FAM168A: variants seen among roughly 807,000 people sequenced by gnomAD.
FAM168A encodes the protein protein FAM168A.
In FAM168A, 3 loss-of-function variants were observed where a neutral mutation model predicts 28.5. That is an observed-to-expected ratio of 0.11 (90% CI 0.05 to 0.27). The LOEUF is 0.27. Ranked by LOEUF, FAM168A falls within the 10% of genes least tolerant of loss-of-function variation. The pLI, the probability that FAM168A is intolerant of heterozygous loss-of-function variation, is 1.00. For synonymous variants in FAM168A, 122 were observed against 124.2 expected (o/e 0.98, Z 0.12); for missense variants, 222 against 311.5 (o/e 0.71, Z 2.16).
rs1866445789 is a variant in FAM168A, at chr11:73,403,274, T to G, written c.*3489A>C. 1 of 152,192 alleles carries G rather than the reference T, an allele frequency of 6.6e-6. No homozygotes were observed. Among genetic ancestry groups the G allele is most frequent in the African/African-American group, 2.4e-5 (1 of 41,450 alleles). 9.4% of individuals were successfully genotyped at this position (152,192 alleles called of 1,614,324 possible). A position where few individuals can be genotyped will look rare whatever the true frequency, so the allele number is the denominator to read the frequency against. ...TTCAAAACATGGCAAACCATTATGT[T>G]TCAGGCTTTCACTATTTGCAGGCAA... On this transcript the variant is annotated 3_prime_UTR_variant, in exon 8 of 8. Coordinates refer to ENST00000356467, the MANE Select transcript of FAM168A (RefSeq NM_015159.3).
rs995609631 is a variant in FAM168A, at chr11:73,585,883, A to C, written c.-19+12040T>G. ...ACTCCATCTCAAACAAAAAAAAAAAAAAAAAAAAAAGAGATTGACCCTTTC... is the reference window on the plus strand; with the variant it reads ...ACTCCATCTCAAACAAAAAAAAAAACAAAAAAAAAAGAGATTGACCCTTTC... On this transcript the variant is annotated intron_variant, in intron 1 of 7. Coordinates refer to ENST00000356467, the MANE Select transcript of FAM168A (RefSeq NM_015159.3). Among the ~76,000 whole-genome samples the C allele has an allele frequency of 1.2e-3, 179 of 151,916 alleles. 1 individual carries two copies. The highest frequency in any genetic ancestry group is 4.1e-3 in the African/African-American group (171 of 41,454).
At chr11:73,439,879 CTTTTT>C (rs761818483) in intron 2 of FAM168A, among the ~76,000 whole-genome samples, 3 of 97,038 alleles carry the variant, frequency 3.1e-5, no homozygotes, top group African/African-American at 4.5e-5. Flanking sequence ...TCTCAGGTCA[CTTTTT>C]TTTTTTTTTT....
chr11:73,419,697 T>G (rs1017334097), intron 4 of FAM168A, among the ~76,000 whole-genome samples, 177 bp downstream of exon 4: 1 of 152,198 alleles, frequency 6.6e-6, no homozygotes, highest in Middle Eastern at 3.2e-3. Context: ...GAGTGCATGA[T>G]CAAAGAGAAT....
intron 3 of FAM168A, chr11:73,430,330 G>A: frequency 3.3e-6 from 1 of 303,358 alleles, no homozygotes; most frequent in East Asian, 1.0e-4. Context: ...GTGTGTGTGT[G>A]TCCCAAGGTG....
intron 1 of FAM168A, among the ~76,000 whole-genome samples, chr11:73,561,470 T>C (rs1427628397): frequency 1.3e-5 from 2 of 152,080 alleles, no homozygotes; most frequent in Non-Finnish European, 2.9e-5. Flanking sequence ...GACATATATA[T>C]ATATATATTA....
At chr11:73,555,399 G>C (rs934014326) in intron 1 of FAM168A, among the ~76,000 whole-genome samples, 1 of 151,686 alleles carries the variant, frequency 6.6e-6, no homozygotes, top group South Asian at 2.1e-4. Flanking sequence ...CTCATGAAAG[G>C]CCTCTAAGAG....
chr11:73,470,005 G>C (rs985208112), intron 1 of FAM168A, among the ~76,000 whole-genome samples: 17 of 152,080 alleles, frequency 1.1e-4, no homozygotes, highest in African/African-American at 3.6e-4. Context: ...TCTGCCTCCT[G>C]GGTTCAAGCG....
At chr11:73,535,727 T>C (rs1175563731) in intron 1 of FAM168A, among the ~76,000 whole-genome samples, 3 of 149,238 alleles carry the variant, frequency 2.0e-5, no homozygotes, top group Non-Finnish European at 4.5e-5. Flanking sequence ...CCCTTCTTTT[T>C]TTTTTTTTTT....
At chr11:73,515,508 C>CAA (rs61655633) in intron 1 of FAM168A, among the ~76,000 whole-genome samples, 3,301 of 66,396 alleles carry the variant, frequency 0.05, 138 homozygotes, top group African/African-American at 0.12. Flanking sequence ...AACTCTGTCT[C>CAA]AAAAAAAAAA....
chr11:73,548,463 A>G (rs907335732), intron 1 of FAM168A, among the ~76,000 whole-genome samples: 18 of 152,182 alleles, frequency 1.2e-4, no homozygotes, highest in Non-Finnish European at 2.2e-4. Context: ...GCTCAAGATC[A>G]AACAGCCAGG....
chr11:73,496,188 C>T (rs1305850277), intron 1 of FAM168A, among the ~76,000 whole-genome samples: 5 of 152,144 alleles, frequency 3.3e-5, no homozygotes, highest in Non-Finnish European at 5.9e-5. Flanking sequence ...ATCTTGAGGA[C>T]GTTATGCTAA....
intron 1 of FAM168A, among the ~76,000 whole-genome samples, chr11:73,583,914 CACTA>C (rs1207848188): frequency 6.6e-6 from 1 of 152,164 alleles, no homozygotes; most frequent in East Asian, 1.9e-4. Context: ...AAGAGTTTAA[CACTA>C]ACTCCTATCT....
intron 1 of FAM168A, among the ~76,000 whole-genome samples, chr11:73,535,722 C>CTT (rs59312114): frequency 0.011 from 1,320 of 116,940 alleles, 30 homozygotes; most frequent in African/African-American, 0.028. Flanking sequence ...CCTCACCCTT[C>CTT]TTTTTTTTTT....
At chr11:73,478,620 A>G (rs1288286450) in intron 1 of FAM168A, among the ~76,000 whole-genome samples, 1 of 152,246 alleles carries the variant, frequency 6.6e-6, no homozygotes, top group Non-Finnish European at 1.5e-5. Flanking sequence ...ATACCTCAAT[A>G]AAGCTACTAA....
chr11:73,586,384 C>A (rs979771134), intron 1 of FAM168A, among the ~76,000 whole-genome samples: 17 of 152,076 alleles, frequency 1.1e-4, no homozygotes, highest in African/African-American at 3.6e-4. Context: ...AGTTCAAGAC[C>A]AGCCTGGGCA....
intron 1 of FAM168A, among the ~76,000 whole-genome samples, chr11:73,589,409 CT>C (rs1182277355): frequency 6.6e-6 from 1 of 151,126 alleles, no homozygotes; most frequent in African/African-American, 2.4e-5. Flanking sequence ...GGCGTCCAAC[CT>C]TTTGGTTTCC....
At chr11:73,460,607 G>A (rs1234121722) in intron 2 of FAM168A, among the ~76,000 whole-genome samples, 1 of 149,184 alleles carries the variant, frequency 6.7e-6, no homozygotes, top group Non-Finnish European at 1.5e-5. Flanking sequence ...GAGTTCAAGC[G>A]ATTCTCCTGC....
intron 1 of FAM168A, among the ~76,000 whole-genome samples, chr11:73,560,673 G>A (rs540859989): frequency 2.0e-5 from 3 of 152,258 alleles, no homozygotes; most frequent in South Asian, 2.1e-4. Context: ...ACTAAATGCC[G>A]ACAAGTATGC....
chr11:73,421,070 T>TG (rs1362766571), intron 3 of FAM168A, among the ~76,000 whole-genome samples: 1 of 115,868 alleles, frequency 8.6e-6, no homozygotes, highest in Non-Finnish European at 1.7e-5. Context: ...AAATAAAGTC[T>TG]TGGGGGGGGG....
Sources: allele counts gnomAD v4.1 joint callset (sites outside exome capture counted in the v4.1 genomes callset), GRCh38; gene constraint gnomAD v4.1.1; transcripts MANE v1.5; gene names NCBI Gene and HGNC (gene_info 2026-07-23, HGNC 2026-07-21).